The following CEP72 variants were observed in gnomAD, a reference collection of about 807,000 sequenced individuals.
CEP72 encodes centrosomal protein 72, also known as centrosomal protein of 72 kDa.
CEP72 carries 78 observed loss-of-function variants against 65.7 expected under a neutral mutation model. The observed-to-expected ratio is 1.19, with a 90% CI of 0.99 to 1.43. The LOEUF (loss-of-function observed/expected upper bound fraction) is 1.43, where lower values mean the gene tolerates loss of function less well. Ranked by LOEUF, CEP72 falls within the 40% of genes most tolerant of loss-of-function variation. The probability of loss-of-function intolerance (pLI) is 0.00; values close to 1 mark genes in which losing one functional copy is unlikely to be tolerated. For synonymous variants in CEP72, 358 were observed against 351.7 expected, an observed-to-expected ratio of 1.02 and a Z score of -0.20; for missense variants, 914 against 832.9, an observed-to-expected ratio of 1.10 and a Z score of -1.20.
At chr5:641,327 G>C in intron 9 of CEP72, 4 of 985,388 alleles carry the variant, frequency 4.1e-6, no homozygotes, top group Non-Finnish European at 4.8e-6. Flanking sequence ...GCCGCCCTCC[G>C]GGAGTCCTGG....
chr5:668,412 A>G (rs57384556), downstream of CEP72, among the ~76,000 whole-genome samples: 2,846 of 75,862 alleles, frequency 0.038, 453 homozygotes, highest in African/African-American at 0.18. Context: ...ACAAGCACAC[A>G]GAGAGGGGGC....
chr5:658,607 G>GTTCTGTGT (rs1739449291), downstream of CEP72, among the ~76,000 whole-genome samples: 1 of 112,292 alleles, frequency 8.9e-6, no homozygotes, highest in Non-Finnish European at 1.9e-5. Context: ...CAATTTCCCT[G>GTTCTGTGT]TTCTGTGTTT....
In CEP72 at chr5:633,868, C is replaced by G. The variant is rs371468447; in HGVS notation, c.612C>G (p.Cys204Trp). Residue 204 changes from cysteine (C) to tryptophan (W), a missense_variant, in exon 5 of 12, where the codon TGC (cysteine) becomes TGG (tryptophan). By Grantham distance (215) the Cys-to-Trp change is radical. Coordinates refer to ENST00000264935, the MANE Select transcript of CEP72 (RefSeq NM_018140.4). ...CAGTCCTGAACCTCATTGCAGAGTG[C>G]GAGTGGGACCTCGGCAGGCCTCCCG... ...DEAVLNLIAE[C>W]EWDLGRPPGS... The G allele has an allele frequency of 5.0e-6, 8 of 1,613,612 alleles. No homozygotes were observed. In the African/African-American group the frequency reaches 1.1e-4, roughly 22 times the overall value.
intron 8 of CEP72, 143 bp from the exon 9 acceptor site, chr5:640,265 G>A: frequency 9.1e-7 from 1 of 1,103,262 alleles, no homozygotes; most frequent in Non-Finnish European, 1.3e-6. Flanking sequence ...GTGGTTTTGT[G>A]GCGCCAACAC....
chr5:673,847 C>T, the CEP72 span, among the ~76,000 whole-genome samples: 2 of 152,104 alleles, frequency 1.3e-5, no homozygotes, highest in African/African-American at 4.8e-5. Context: ...GGTGCCAGCA[C>T]CCCCACAAGC....
intron 11 of CEP72, among the ~76,000 whole-genome samples, chr5:649,408 G>A (rs374165946): frequency 1.4e-5 from 1 of 73,414 alleles, no homozygotes; most frequent in Non-Finnish European, 3.0e-5. Context: ...CCTGTGAGGC[G>A]TGGACTGTGA....
intron 2 of CEP72, 126 bp from the exon 3 acceptor site, chr5:619,943 G>A (rs1361596840): frequency 1.4e-6 from 1 of 719,410 alleles, no homozygotes; most frequent in African/African-American, 1.9e-5. Context: ...TACTTTTCCT[G>A]GTAATGACAT....
At chr5:628,827 A>G (rs77112499) in intron 4 of CEP72, among the ~76,000 whole-genome samples, 2,223 of 67,190 alleles carry the variant, frequency 0.033, 56 homozygotes, top group Middle Eastern at 0.05. Context: ...TGCCGTCCCC[A>G]GGGAGTGGCC....
chr5:649,329 T>TGACTGTGAGGCGTG (rs1738741995), intron 11 of CEP72, among the ~76,000 whole-genome samples: 3 of 113,180 alleles, frequency 2.7e-5, no homozygotes, highest in African/African-American at 7.7e-5. Flanking sequence ...CTGTGAGGCG[T>TGACTGTGAGGCGTG]GACTGTGAGG....
chr5:671,133 T>TC (rs1179196101), downstream of CEP72, among the ~76,000 whole-genome samples: 1 of 151,096 alleles, frequency 6.6e-6, no homozygotes, highest in Non-Finnish European at 1.5e-5. Flanking sequence ...TACCGAAGGC[T>TC]CCCCCCTGCC....
chr5:619,221 G>A, intron 2 of CEP72, 104 bp downstream of exon 2: 6 of 962,736 alleles, frequency 6.2e-6, no homozygotes, highest in Non-Finnish European at 8.0e-6. Context: ...GCTTACATCT[G>A]TATACGGTAC....
Position 644,277 on chromosome 5 carries a change from AGTGTATTTTCT to A in CEP72, c.1540-17_1540-7del, listed in dbSNP as rs773759814. On this transcript the variant is annotated splice_polypyrimidine_tract_variant and intron_variant, in intron 9 of 11. Transcript: ENST00000264935. The stretch of plus-strand genomic sequence containing the variant: ...TTACTGAATTTGACTTGTGCACTTA[AGTGTATTTTCT>A]GTGTCCGCAGGATGATTTGAGACAA... 4 of 1,609,958 alleles carry A rather than the reference AGTGTATTTTCT, an allele frequency of 2.5e-6. No individual in the cohort carries two copies. Among genetic ancestry groups the A allele is most frequent in the Non-Finnish European group, 3.4e-6 (4 of 1,177,700 alleles).
At chr5:617,002 G>A (rs1736039338) in intron 1 of CEP72, among the ~76,000 whole-genome samples, 1 of 151,658 alleles carries the variant, frequency 6.6e-6, no homozygotes. Context: ...AACAGTGTGT[G>A]TGGTTGCAGG....
At chr5:668,584 C>CG (rs1561082427), downstream of CEP72, among the ~76,000 whole-genome samples, 1 of 152,216 alleles carries the variant, frequency 6.6e-6, no homozygotes, top group Non-Finnish European at 1.5e-5. Context: ...GAGCAGGCCG[C>CG]GGGGTGGGGG....
intron 5 of CEP72, among the ~76,000 whole-genome samples, 153 bp downstream of exon 5, chr5:634,100 C>T (rs767992211): frequency 2.4e-4 from 36 of 151,342 alleles, no homozygotes; most frequent in Non-Finnish European, 4.4e-4. Context: ...TTTCGAATGC[C>T]AGCCATTTGG....
chr5:621,560 A>T lies in CEP72; in HGVS notation c.403+1299A>T, dbSNP rs115905077. ...AACACCCGGCAGCCCTCACCCTGTC[A>T]GCCCCATGAAGTTCGTGTGACGTCA... is the stretch of plus-strand genomic sequence containing the variant. On this transcript the variant is annotated intron_variant, in intron 3 of 11. Transcript: ENST00000264935. Among the ~76,000 whole-genome samples, 426 of 152,348 alleles carry T rather than the reference A, an allele frequency of 2.8e-3. 2 individuals carry two copies. The highest frequency in any genetic ancestry group is 9.7e-3 in the African/African-American group (405 of 41,580).
intron 4 of CEP72, among the ~76,000 whole-genome samples, chr5:627,849 G>C (rs1167876742): frequency 6.6e-6 from 1 of 152,190 alleles, no homozygotes; most frequent in Non-Finnish European, 1.5e-5. Context: ...TGTTTGGTTG[G>C]TGTAAAAGTC....
downstream of CEP72, among the ~76,000 whole-genome samples, chr5:668,491 A>G (rs113217318): frequency 1.3e-5 from 2 of 152,204 alleles, no homozygotes; most frequent in South Asian, 2.1e-4. Context: ...CCGTCAGGGA[A>G]GTGCAGATGG....
intron 10 of CEP72, among the ~76,000 whole-genome samples, chr5:644,710 G>A (rs1359053726): frequency 2.0e-5 from 3 of 152,192 alleles, no homozygotes; most frequent in Non-Finnish European, 1.5e-5. Context: ...TGTCAGGGCT[G>A]CAGCTGCTGG....
Sources: allele counts gnomAD v4.1 joint callset (sites outside exome capture counted in the v4.1 genomes callset), GRCh38; gene constraint gnomAD v4.1.1; transcripts MANE v1.5; gene names NCBI Gene and HGNC (gene_info 2026-07-23, HGNC 2026-07-21).